PCDH8: variants seen among roughly 807,000 people sequenced by gnomAD.
PCDH8 encodes protocadherin 8.
In PCDH8, 36 loss-of-function variants were observed where a neutral mutation model predicts 58.2. That is an observed-to-expected ratio of 0.62 (90% CI 0.47 to 0.82). The LOEUF (loss-of-function observed/expected upper bound fraction) is 0.82, where lower values mean the gene tolerates loss of function less well. Ranked by LOEUF, PCDH8 falls within the 40% of genes least tolerant of loss-of-function variation. PCDH8 has a pLI of 0.00. For missense variants in PCDH8, 1,493 were observed against 1,567.8 expected, an observed-to-expected ratio of 0.95 and a Z score of 0.81; for synonymous variants, 775 against 728.9, an observed-to-expected ratio of 1.06 and a Z score of -1.02.
rs772574126 is a variant in PCDH8 at position 52,844,854 on chromosome 13, G to T, written c.2919C>A (p.Asn973Lys). 2 of 1,602,836 alleles carry T rather than the reference G, an allele frequency of 1.2e-6. No homozygotes were observed. The highest frequency in any genetic ancestry group is 1.7e-5 in the Admixed American group (1 of 59,358). Reference sequence around the variant, plus strand: ...CTGGTGGGTGAGGCGATGGATGTGCGTTGGGCCCGCTGCAGGATGGGCTCC... The same window carrying T: ...CTGGTGGGTGAGGCGATGGATGTGCTTTGGGCCCGCTGCAGGATGGGCTCC... ...RCWSPSCSGPNAHPSPHPPAQ... is the reference protein window; with the variant it reads ...RCWSPSCSGPKAHPSPHPPAQ... Residue 973 changes from asparagine (N) to lysine (K), a missense_variant, in exon 3 of 3, where the codon AAC (asparagine) becomes AAA (lysine). By Grantham distance (94) the Asn-to-Lys change is moderately conservative. Around this residue, in one of 3 missense-constraint regions of PCDH8, gnomAD observed 182 missense variants for 178.9 expected, o/e 1.02. Coordinates refer to ENST00000377942, the MANE Select transcript of PCDH8 (RefSeq NM_002590.4).
rs778627492 is a variant in PCDH8, at chr13:52,846,184, G to C, written c.2253C>G (p.Ile751Met). 1 of 1,586,934 alleles carries C rather than the reference G, an allele frequency of 6.3e-7. No homozygotes were observed. Among genetic ancestry groups the C allele is most frequent in the Admixed American group, 1.7e-5 (1 of 58,496 alleles). The change falls in exon 1 of 3, where the codon ATC becomes ATG. Residue 751 changes from isoleucine (I) to methionine (M), a missense_variant. By Grantham distance (10) the Ile-to-Met change is conservative. Coordinates refer to ENST00000377942, the MANE Select transcript of PCDH8 (RefSeq NM_002590.4). ...GSVLQWDTPL[I>M]VIIVLAGSCT... ...AGCTCCCGGCCAGCACGATGATGAC[G>C]ATCAGCGGCGTGTCCCATTGCAGCA... is the stretch of plus-strand genomic sequence containing the variant.
In PCDH8 at chr13:52,845,959, G is replaced by A; in HGVS notation, c.2478C>T (p.Gly826=). ...GGCTGCCAAAGGGCGCTTTGCCGGT[G>A]CCAGGGAAGGTGAGCACGTCGAACA... ...PNMFDVLTFP[G]TGKAPFGSPA... Residue 826 remains glycine (G), a synonymous_variant, in exon 1 of 3, where the codon GGC becomes GGT. Coordinates refer to ENST00000377942, the MANE Select transcript of PCDH8 (RefSeq NM_002590.4). 6.7e-7 allele frequency: 1 copy of A among 1,491,330 alleles called. No homozygotes were observed. Among genetic ancestry groups the A allele is most frequent in the East Asian group, 2.7e-5 (1 of 37,418 alleles). The allele number at this position is 1,491,330 out of a possible 1,614,324, so 92.4% of individuals were successfully genotyped here.
chr13:52,845,661 G>A (rs776119560), intron 1 of PCDH8, 29 bp from the exon 2 acceptor site: 1 of 1,609,198 alleles, frequency 6.2e-7, no homozygotes, highest in Non-Finnish European at 8.5e-7. Context: ...GAATGGGAGT[G>A]GGGGGAGGGT....
In PCDH8 at chr13:52,848,445, C is replaced by A; in HGVS notation, c.-9G>T. On this transcript the variant is annotated 5_prime_UTR_variant, in exon 1 of 3. Coordinates refer to ENST00000377942, the MANE Select transcript of PCDH8 (RefSeq NM_002590.4). ...CGCCTCACAGGACTCATGCCTCCAGCCTCAAGTGCGATCCGAAAGGCTAAG... is the reference window on the plus strand; with the variant it reads ...CGCCTCACAGGACTCATGCCTCCAGACTCAAGTGCGATCCGAAAGGCTAAG... The A allele has an allele frequency of 6.3e-7, 1 of 1,579,734 alleles. No homozygotes were observed. Among genetic ancestry groups the A allele is most frequent in the Non-Finnish European group, 8.6e-7 (1 of 1,165,606 alleles).
chr13:52,845,362 A>C lies in PCDH8; in HGVS notation c.2839+63T>G, dbSNP rs888892051. ...CTGGGAACCGAGATTGAGAGGAGGCAAACAGTGGTGAAGGGGAGGGAAGGG... is the reference window on the plus strand; with the variant it reads ...CTGGGAACCGAGATTGAGAGGAGGCCAACAGTGGTGAAGGGGAGGGAAGGG... On this transcript the variant is annotated intron_variant, in intron 2 of 2. Transcript: ENST00000377942. 8 of 1,479,094 alleles carry C rather than the reference A, an allele frequency of 5.4e-6. No homozygotes were observed. The South Asian group carries it at 5.7e-5, about 11-fold the overall frequency. 91.6% of individuals were successfully genotyped at this position (1,479,094 alleles called of 1,614,324 possible).
rs749036498 is a variant in PCDH8 at position 52,846,916 on chromosome 13, G to A, written c.1521C>T (p.Arg507=). The A allele has an allele frequency of 1.9e-6, 3 of 1,587,584 alleles. No individual in the cohort carries two copies. Among genetic ancestry groups the A allele is most frequent in the South Asian group, 1.1e-5 (1 of 88,394 alleles). The change falls in exon 1 of 3, where the codon CGC becomes CGT. Residue 507 remains arginine, a synonymous_variant. Coordinates refer to ENST00000377942, the MANE Select transcript of PCDH8 (RefSeq NM_002590.4). The stretch of plus-strand genomic sequence containing the variant: ...GGTAGGCGCCTGGCGGGTTGTTCTC[G>A]CGCACCGACACCTCATAGACCGGCC... ...FTRPVYEVSV[R]ENNPPGAYLA...
chr13:52,847,994 G>A lies in PCDH8; in HGVS notation c.443C>T (p.Ala148Val). The A allele has an allele frequency of 1.2e-6, 2 of 1,609,536 alleles. No homozygotes were observed. Among genetic ancestry groups the A allele is most frequent in the South Asian group, 1.1e-5 (1 of 90,998 alleles). Residue 148 changes from alanine to valine, a missense_variant, in exon 1 of 3, where the codon GCG (alanine) becomes GTG (valine). Ala to Val is a moderately conservative substitution (Grantham distance 64). Coordinates refer to ENST00000377942, the MANE Select transcript of PCDH8 (RefSeq NM_002590.4). ...AQIPVEVSEG[A>V]AVGTRIPLEV... ...CAAGGGGATGCGCGTGCCCACTGCC[G>A]CACCCTCGGACACCTCTACCGGGAT...
chr13:52,845,861 C>G lies in PCDH8; in HGVS notation c.2576G>C (p.Gly859Ala), dbSNP rs1965722341. 1 of 1,514,342 alleles carries G rather than the reference C, an allele frequency of 6.6e-7. No individual in the cohort carries two copies. The highest frequency in any genetic ancestry group is 8.8e-7 in the Non-Finnish European group (1 of 1,139,248). The allele number at this position is 1,514,342 out of a possible 1,614,324, so 93.8% of individuals were successfully genotyped here. A position where few individuals can be genotyped will look rare whatever the true frequency, so the allele number is the denominator to read the frequency against. The change falls in exon 1 of 3, where the codon GGG (glycine) becomes GCG (alanine). Residue 859 changes from glycine (G) to alanine (A), a missense_variant. Gly to Ala is a moderately conservative substitution (Grantham distance 60). Around this residue, in one of 3 missense-constraint regions of PCDH8, gnomAD observed 1,307 missense variants for 1,362.7 expected, o/e 0.96. Transcript: ENST00000377942. ...VPGSEGGSAT[G>A]ESACHFEGQQ... is the part of the protein sequence containing the mutation. ...CCCCTCGAAGTGACAGGCGCTTTCC[C>G]CAGTGGCGCTGCCGCCCTCTGAGCC...
rs1365704978 is a variant in PCDH8, at chr13:52,843,437, A to G, written c.*1123T>C. On this transcript the variant is annotated 3_prime_UTR_variant, in exon 3 of 3. Coordinates refer to ENST00000377942, the MANE Select transcript of PCDH8 (RefSeq NM_002590.4). ...CATAAATTTGAGTGGAATAGAGCTG[A>G]TAGTTACTTTGGAGACTGGCTCCAG... 2.6e-5 allele frequency: 4 copies of G among 152,232 alleles called. No homozygotes were observed. The highest frequency in any genetic ancestry group is 4.4e-5 in the Non-Finnish European group (3 of 68,040). 9.4% of individuals were successfully genotyped at this position (152,232 alleles called of 1,614,324 possible).
chr13:52,847,446 G>C lies in PCDH8; in HGVS notation c.991C>G (p.Pro331Ala). ...ELDVRAQDRGPGPRAATCKVI... is the reference protein window; with the variant it reads ...ELDVRAQDRGAGPRAATCKVI... ...TTGCAGGTGGCAGCGCGGGGCCCGG[G>C]TCCGCGGTCCTGCGCCCGCACGTCC... Residue 331 changes from proline to alanine, a missense_variant, in exon 1 of 3, where the codon CCC (proline) becomes GCC (alanine). Around this residue, in one of 3 missense-constraint regions of PCDH8, gnomAD observed 1,307 missense variants for 1,362.7 expected, o/e 0.96. Coordinates refer to ENST00000377942, the MANE Select transcript of PCDH8 (RefSeq NM_002590.4). The C allele has an allele frequency of 6.3e-7, 1 of 1,587,608 alleles. No homozygotes were observed. The highest frequency in any genetic ancestry group is 1.4e-5 in the African/African-American group (1 of 72,140).
rs1293435682 is a variant in PCDH8 at position 52,847,015 on chromosome 13, C to T, written c.1422G>A (p.Ala474=). 6 of 1,566,552 alleles carry T rather than the reference C, an allele frequency of 3.8e-6. No individual in the cohort carries two copies. The highest frequency in any genetic ancestry group is 2.4e-5 in the East Asian group (1 of 42,062). ...NLTLVAEDRG[A]PPLRTVRPYT... ...AGGGCCGCACTGTGCGCAGCGGGGG[C>T]GCGCCGCGATCCTCGGCCACCAGCG... is the stretch of plus-strand genomic sequence containing the variant. Residue 474 remains alanine (A), a synonymous_variant, in exon 1 of 3, where the codon GCG becomes GCA. Transcript: ENST00000377942.
rs894000882 is a variant in PCDH8, at chr13:52,845,598, G to A, written c.2666C>T (p.Pro889Leu). 6.2e-7 allele frequency: 1 copy of A among 1,614,072 alleles called. No homozygotes were observed. The highest frequency in any genetic ancestry group is 8.5e-7 in the Non-Finnish European group (1 of 1,180,028). Residue 889 changes from proline to leucine, a missense_variant, in exon 2 of 3, where the codon CCG (proline) becomes CTG (leucine). By Grantham distance (98) the Pro-to-Leu change is moderately conservative. This residue lies in a region of PCDH8 where 1,307 missense variants were observed against 1,362.7 expected (regional missense o/e 0.96). Transcript: ENST00000377942. ...YGASPGFGKE[P>L]APPVAVWKGH... The stretch of plus-strand genomic sequence containing the variant: ...TTTCCACACCGCCACAGGGGGCGCC[G>A]GCTCCTTTCCAAAACCCGGGGAGGC...
At position 52,846,714 on chromosome 13, in the gene PCDH8, G is replaced by A; in HGVS notation, c.1723C>T (p.Leu575Phe). The change falls in exon 1 of 3, where the codon CTC becomes TTC. Residue 575 changes from leucine (L) to phenylalanine (F), a missense_variant. By Grantham distance (22) the Leu-to-Phe change is conservative. This residue lies in a region of PCDH8 where 1,307 missense variants were observed against 1,362.7 expected (regional missense o/e 0.96). Coordinates refer to ENST00000377942, the MANE Select transcript of PCDH8 (RefSeq NM_002590.4). The part of the protein sequence containing the change: ...RSFDYETLRQ[L>F]DVRIQASDGG... ...TCGCTAGCTTGGATGCGAACGTCGA[G>A]TTGGCGCAGCGTCTCATAGTCGAAG... 3.1e-6 allele frequency: 5 copies of A among 1,596,472 alleles called. No individual in the cohort carries two copies. The highest frequency in any genetic ancestry group is 2.2e-5 in the East Asian group (1 of 44,542).
chr13:52,846,387 G>A lies in PCDH8; in HGVS notation c.2050C>T (p.Arg684Cys). Reference protein sequence around the residue: ...TGDLSQEPPGRVFRALLVISD... With the variant: ...TGDLSQEPPGCVFRALLVISD... ...ATGACCAGGAGCGCCCTGAACACGC[G>A]ACCGGGTGGCTCCTGCGAGAGGTCG... is the stretch of plus-strand genomic sequence containing the variant. Residue 684 changes from arginine to cysteine, a missense_variant, in exon 1 of 3, where the codon CGC becomes TGC. Arg to Cys is a radical substitution (Grantham distance 180, BLOSUM62 -3). This residue lies in a region of PCDH8 where 1,307 missense variants were observed against 1,362.7 expected (regional missense o/e 0.96). Transcript: ENST00000377942. The A allele has an allele frequency of 6.3e-7, 1 of 1,591,982 alleles. No homozygotes were observed. Among genetic ancestry groups the A allele is most frequent in the Non-Finnish European group, 8.5e-7 (1 of 1,172,156 alleles).
chr13:52,846,332 G>T lies in PCDH8; in HGVS notation c.2105C>A (p.Thr702Asn), dbSNP rs1205787441. 1 of 1,568,010 alleles carries T rather than the reference G, an allele frequency of 6.4e-7. No individual in the cohort carries two copies. The highest frequency in any genetic ancestry group is 1.4e-5 in the African/African-American group (1 of 74,068). ...ISDGGRPPLT[T>N]TATVSFVVTA... ...TACCACGAAGCTGACAGTTGCGGTG[G>T]TGGTGAGCGGGGGACGGCCGCCGTC... Residue 702 changes from threonine to asparagine, a missense_variant, in exon 1 of 3, where the codon ACC becomes AAC. Thr to Asn is a moderately conservative substitution (Grantham distance 65). Coordinates refer to ENST00000377942, the MANE Select transcript of PCDH8 (RefSeq NM_002590.4).
chr13:52,845,193 C>G (rs1965709777), intron 2 of PCDH8, among the ~76,000 whole-genome samples: 1 of 152,104 alleles, frequency 6.6e-6, no homozygotes, highest in African/African-American at 2.4e-5. Context: ...GCTAGCATCA[C>G]CCATGCTGCT....
chr13:52,846,988 G>A lies in PCDH8; in HGVS notation c.1449C>T (p.Tyr483=). 6.3e-7 allele frequency: 1 copy of A among 1,592,140 alleles called. No homozygotes were observed. The highest frequency in any genetic ancestry group is 8.5e-7 in the Non-Finnish European group (1 of 1,172,376). Residue 483 remains tyrosine (Y), a synonymous_variant, in exon 1 of 3, where the codon TAC becomes TAT. Transcript: ENST00000377942. ...CGTTCTCGTCGCCCACACGCACCGT[G>A]TAGGGCCGCACTGTGCGCAGCGGGG... ...GAPPLRTVRP[Y]TVRVGDENDN...
At position 52,846,390 on chromosome 13, in the gene PCDH8, C is replaced by A; in HGVS notation, c.2047G>T (p.Gly683Cys). Reference protein sequence around the residue: ...LTGDLSQEPPGRVFRALLVIS... With the variant: ...LTGDLSQEPPCRVFRALLVIS... ...ACCAGGAGCGCCCTGAACACGCGAC[C>A]GGGTGGCTCCTGCGAGAGGTCGCCG... The change falls in exon 1 of 3, where the codon GGT becomes TGT. Residue 683 changes from glycine (G) to cysteine (C), a missense_variant. By Grantham distance (159) the Gly-to-Cys change is radical (BLOSUM62 -3). This residue lies in a region of PCDH8 where 1,307 missense variants were observed against 1,362.7 expected (regional missense o/e 0.96). Transcript: ENST00000377942. The A allele has an allele frequency of 6.3e-7, 1 of 1,592,248 alleles. No individual in the cohort carries two copies. Among genetic ancestry groups the A allele is most frequent in the Admixed American group, 1.7e-5 (1 of 59,382 alleles).
At position 52,847,577 on chromosome 13, in the gene PCDH8, G is replaced by A. The variant is rs886882403; in HGVS notation, c.860C>T (p.Ala287Val). Residue 287 changes from alanine to valine, a missense_variant, in exon 1 of 3, where the codon GCC becomes GTC. Ala to Val is a moderately conservative substitution (Grantham distance 64). Transcript: ENST00000377942. ...GCGGCGCGCCTCCGGCGGGGTGCGG[G>A]CGCCAAATGCGAACACCACGTCGCC... Reference protein sequence around the residue: ...PNGDVVFAFGARTPPEARRLF... With the variant: ...PNGDVVFAFGVRTPPEARRLF... 3.8e-6 allele frequency: 6 copies of A among 1,559,392 alleles called. No individual in the cohort carries two copies. The African/African-American group carries it at 6.9e-5, about 18-fold the overall frequency.
Sources: gnomAD v4.1 joint callset for allele counts (sites outside exome capture counted in the v4.1 genomes callset) on GRCh38, gnomAD v4.1.1 for gene constraint, gnomAD v4.1.1 regional missense constraint, MANE v1.5 for transcripts, NCBI Gene and HGNC (gene_info 2026-07-23, HGNC 2026-07-21) for gene names.